TSHZ2: variants seen among roughly 807,000 people sequenced by gnomAD.
TSHZ2 encodes the protein teashirt homolog 2.
In TSHZ2, 21 loss-of-function variants were observed where a neutral mutation model predicts 74.4. The ratio of observed to expected loss-of-function variants is 0.28; its 90% CI spans 0.20 to 0.41. The LOEUF is 0.41. TSHZ2 is among the 10% of genes least tolerant of loss of function. The pLI is 1.00. For missense variants in TSHZ2, 1,244 were observed against 1,293.5 expected (o/e 0.96, Z 0.59); for synonymous variants, 540 against 515.3 (o/e 1.05, Z -0.65).
At chr20:53,134,227 A>G (rs999815319) in intron 1 of TSHZ2, among the ~76,000 whole-genome samples, 1 of 152,234 alleles carries the variant, frequency 6.6e-6, no homozygotes, top group Non-Finnish European at 1.5e-5. Flanking sequence ...AGAATGTTCT[A>G]ACAATGAAAA....
At chr20:53,343,076 C>T (rs1390873719) in intron 2 of TSHZ2, among the ~76,000 whole-genome samples, 2 of 146,730 alleles carry the variant, frequency 1.4e-5, no homozygotes, top group Non-Finnish European at 3.0e-5. Context: ...AAGCGATTCT[C>T]CTGCCTCAGC....
intron 2 of TSHZ2, among the ~76,000 whole-genome samples, chr20:53,424,895 T>C (rs992652226): frequency 6.6e-6 from 1 of 152,236 alleles, no homozygotes; most frequent in African/African-American, 2.4e-5. Flanking sequence ...GGACATGATC[T>C]CATTCCTTTT....
At chr20:53,225,449 C>A (rs967212345) in intron 1 of TSHZ2, among the ~76,000 whole-genome samples, 2 of 152,288 alleles carry the variant, frequency 1.3e-5, no homozygotes, top group East Asian at 3.9e-4. Flanking sequence ...TGGATTCTGA[C>A]GAAGGTTAAC....
chr20:53,203,212 T>G (rs893072978), intron 1 of TSHZ2, among the ~76,000 whole-genome samples: 20 of 134,728 alleles, frequency 1.5e-4, no homozygotes, highest in Admixed American at 1.2e-3. Flanking sequence ...TTTTTTTTTT[T>G]GAGACGGAGT....
rs1985300653 is a variant in TSHZ2, at chr20:53,074,324, C to T, written c.40+100991C>T. Among the ~76,000 whole-genome samples the T allele has an allele frequency of 6.6e-6, 1 of 152,158 alleles. No individual in the cohort carries two copies. Among genetic ancestry groups the T allele is most frequent in the Non-Finnish European group, 1.5e-5 (1 of 68,026 alleles). The stretch of plus-strand genomic sequence containing the variant: ...CTGAAATTATGTCCTAAGTATCAGT[C>T]CTTTCTACTGGATTTTGAGTTTCCA... On this transcript the variant is annotated intron_variant, in intron 1 of 2. Transcript: ENST00000371497. The surrounding 1 kb of genome is among the most constrained non-coding windows in gnomAD (Gnocchi z 5.9).
chr20:53,016,649 A>T (rs1204173012), intron 1 of TSHZ2, among the ~76,000 whole-genome samples: 1 of 152,196 alleles, frequency 6.6e-6, no homozygotes, highest in East Asian at 1.9e-4. Flanking sequence ...TGGAAATCAA[A>T]TAAGTAAGTG....
intron 2 of TSHZ2, among the ~76,000 whole-genome samples, chr20:53,453,861 C>T (rs1984925666): frequency 1.3e-5 from 2 of 152,064 alleles, no homozygotes; most frequent in South Asian, 4.1e-4. Context: ...GGGACTATTC[C>T]TGGGAATGAC....
At chr20:53,295,602 G>A (rs1991361387) in intron 2 of TSHZ2, among the ~76,000 whole-genome samples, 1 of 152,118 alleles carries the variant, frequency 6.6e-6, no homozygotes, top group Non-Finnish European at 1.5e-5. Flanking sequence ...TTGTATTAAA[G>A]AGGAAACTTT....
intron 2 of TSHZ2, among the ~76,000 whole-genome samples, chr20:53,395,999 G>A (rs563447930): frequency 6.6e-5 from 10 of 152,280 alleles, no homozygotes; most frequent in South Asian, 2.1e-4. Context: ...GCAGTGGCGC[G>A]ATCTCGGCTC....
chr20:53,293,195 G>T lies in TSHZ2; in HGVS notation c.*8+36624G>T, dbSNP rs183637347. Among the ~76,000 whole-genome samples the T allele has an allele frequency of 1.6e-3, 240 of 152,280 alleles. 5 individuals carry two copies. In the East Asian group the frequency reaches 0.036, roughly 23 times the overall value. On this transcript the variant is annotated intron_variant, in intron 2 of 2. Transcript: ENST00000371497. The stretch of plus-strand genomic sequence containing the variant: ...ATTAATACATGAGCCAAGTGCAGTG[G>T]CTCACACCTGTAATCCCAGCACTTT...
At chr20:53,457,098 G>C (rs2145799962) in intron 2 of TSHZ2, among the ~76,000 whole-genome samples, 1 of 109,990 alleles carries the variant, frequency 9.1e-6, no homozygotes, top group African/African-American at 4.0e-5. Context: ...TGTGAAGAAA[G>C]GCATTGGTAG....
chr20:53,267,593 C>G (rs1382997787), intron 2 of TSHZ2, among the ~76,000 whole-genome samples: 1 of 152,176 alleles, frequency 6.6e-6, no homozygotes, highest in African/African-American at 2.4e-5. Flanking sequence ...CACATGTGTT[C>G]CTTCTACCAC....
At chr20:53,276,633 G>A (rs889300537) in intron 2 of TSHZ2, among the ~76,000 whole-genome samples, 1 of 152,226 alleles carries the variant, frequency 6.6e-6, no homozygotes, top group Admixed American at 6.5e-5. Context: ...CTTTAAGCCA[G>A]TGGTTCTCAA....
At position 53,195,496 on chromosome 20, in the gene TSHZ2, T is replaced by G. The variant is rs936821117; in HGVS notation, c.41-58003T>G. Among the ~76,000 whole-genome samples the G allele has an allele frequency of 1.6e-4, 24 of 152,202 alleles. 1 individual carries two copies. The highest frequency in any genetic ancestry group is 6.5e-5 in the Admixed American group (1 of 15,282). ...ACTGTGTTTTCATAAGAACTCCTCC[T>G]CAGATGGTGCTTGAGGGGCTCAGGA... On this transcript the variant is annotated intron_variant, in intron 1 of 2. Coordinates refer to ENST00000371497, the MANE Select transcript of TSHZ2 (RefSeq NM_173485.6).
At chr20:53,204,309 T>C (rs571058857) in intron 1 of TSHZ2, among the ~76,000 whole-genome samples, 12 of 122,604 alleles carry the variant, frequency 9.8e-5, no homozygotes, top group South Asian at 2.5e-4. Flanking sequence ...TATATCATCA[T>C]ATAACATGAT....
At chr20:53,112,223 G>C (rs1198450772) in intron 1 of TSHZ2, among the ~76,000 whole-genome samples, 1 of 152,180 alleles carries the variant, frequency 6.6e-6, no homozygotes, top group African/African-American at 2.4e-5. Context: ...AACCACACAG[G>C]AGCCCATGCT....
At chr20:53,218,082 A>G (rs1167059690) in intron 1 of TSHZ2, among the ~76,000 whole-genome samples, 1 of 152,216 alleles carries the variant, frequency 6.6e-6, no homozygotes, top group Non-Finnish European at 1.5e-5. Flanking sequence ...AGGAGCCGCA[A>G]ATGGCAGGCT....
At chr20:53,086,037 C>G (rs1312438371) in intron 1 of TSHZ2, among the ~76,000 whole-genome samples, 1 of 152,216 alleles carries the variant, frequency 6.6e-6, no homozygotes, top group Non-Finnish European at 1.5e-5. Flanking sequence ...CTGCACCAAT[C>G]TCTTTGCATG....
intron 2 of TSHZ2, among the ~76,000 whole-genome samples, chr20:53,456,080 A>C (rs2145796807): frequency 6.6e-6 from 1 of 152,232 alleles, no homozygotes; most frequent in African/African-American, 2.4e-5. Context: ...ATACCCAGTA[A>C]TGGGATGGCT....
Sources: allele counts gnomAD v4.1 joint callset (sites outside exome capture counted in the v4.1 genomes callset), GRCh38; gene constraint gnomAD v4.1.1; non-coding constraint Gnocchi (gnomAD v3.1); transcripts MANE v1.5; gene names NCBI Gene and HGNC (gene_info 2026-07-23, HGNC 2026-07-21).